The following METTL22 variants were observed in gnomAD, a reference collection of about 807,000 sequenced individuals.
The protein encoded by METTL22 is methyltransferase 22, Kin17 lysine, also known as methyltransferase-like protein 22.
A neutral mutation model predicts 48.4 loss-of-function variants in METTL22; 51 were observed. The observed-to-expected ratio is 1.05, with a 90% CI of 0.84 to 1.33. The LOEUF (loss-of-function observed/expected upper bound fraction) is 1.33, where lower values mean the gene tolerates loss of function less well. METTL22 is among the 40% of genes most tolerant of loss of function. The probability of loss-of-function intolerance (pLI) is 0.00; values close to 1 mark genes in which losing one functional copy is unlikely to be tolerated. For synonymous variants in METTL22, 255 were observed against 214.1 expected, an observed-to-expected ratio of 1.19 and a Z score of -1.67; for missense variants, 678 against 526.9, an observed-to-expected ratio of 1.29 and a Z score of -2.81.
chr16:8,643,869 C>G (rs987521285), intron 9 of METTL22, among the ~76,000 whole-genome samples: 1 of 152,328 alleles, frequency 6.6e-6, no homozygotes, highest in East Asian at 1.9e-4. Flanking sequence ...CCTCCTCGGC[C>G]TCCCACAGTA....
In METTL22 at chr16:8,621,782, G is replaced by T. The variant is rs796113672; in HGVS notation, c.-171+7G>T. The T allele has an allele frequency of 6.6e-6, 1 of 152,282 alleles. No individual in the cohort carries two copies. The highest frequency in any genetic ancestry group is 1.9e-4 in the East Asian group (1 of 5,182). 9.4% of individuals were successfully genotyped at this position (152,282 alleles called of 1,614,324 possible). A position where few individuals can be genotyped will look rare whatever the true frequency, so the allele number is the denominator to read the frequency against. The stretch of plus-strand genomic sequence containing the variant: ...AGGCTGGGCCCCGCGGCGGGTAAGT[G>T]CCTGGGAGAGGCGGCGGGATAGGGT... On this transcript the variant is annotated splice_region_variant and intron_variant, in intron 1 of 10. Transcript: ENST00000381920.
At chr16:8,622,262 G>A (rs903900066) in intron 1 of METTL22, among the ~76,000 whole-genome samples, 2 of 152,214 alleles carry the variant, frequency 1.3e-5, no homozygotes, top group African/African-American at 4.8e-5. Context: ...TGATTGTTGA[G>A]TGAGTTGCAG....
chr16:8,625,778 T>C lies in METTL22; in HGVS notation c.113T>C (p.Leu38Pro). Residue 38 changes from leucine to proline, a missense_variant, in exon 2 of 11, where the codon CTG becomes CCG. Coordinates refer to ENST00000381920, the MANE Select transcript of METTL22 (RefSeq NM_024109.4). The part of the protein sequence containing the change: ...TPNHRHLMVR[L>P]NSVGQPVFLS... Reference sequence around the variant, plus strand: ...AACCATAGACATCTCATGGTACGGCTGAACAGCGTGGGGCAGCCAGGTAAG... The same window carrying C: ...AACCATAGACATCTCATGGTACGGCCGAACAGCGTGGGGCAGCCAGGTAAG... 1 of 1,614,192 alleles carries C rather than the reference T, an allele frequency of 6.2e-7. No individual in the cohort carries two copies. Among genetic ancestry groups the C allele is most frequent in the Non-Finnish European group, 8.5e-7 (1 of 1,180,012 alleles).
In METTL22 at chr16:8,648,008, C is replaced by T. The variant is rs891974337; in HGVS notation, c.*1865C>T. The T allele has an allele frequency of 6.6e-6, 1 of 152,264 alleles. No individual in the cohort carries two copies. Among genetic ancestry groups the T allele is most frequent in the African/African-American group, 2.4e-5 (1 of 41,446 alleles). 9.4% of individuals were successfully genotyped at this position (152,264 alleles called of 1,614,324 possible). A position where few individuals can be genotyped will look rare whatever the true frequency, so the allele number is the denominator to read the frequency against. ...GCTGGAGCAGCAGCAGCATCTGTGGCATCACGTGGATGCTGGTTAGAAATG... is the reference window on the plus strand; with the variant it reads ...GCTGGAGCAGCAGCAGCATCTGTGGTATCACGTGGATGCTGGTTAGAAATG... On this transcript the variant is annotated 3_prime_UTR_variant, in exon 11 of 11. Transcript: ENST00000381920.
the METTL22 span, among the ~76,000 whole-genome samples, chr16:8,665,853 G>T: frequency 1.3e-5 from 2 of 152,224 alleles, no homozygotes; most frequent in Non-Finnish European, 2.9e-5. Context: ...GCAGTTAAGT[G>T]TGGAAGTATA....
chr16:8,658,474 CAG>C, the METTL22 span, among the ~76,000 whole-genome samples: 3 of 152,178 alleles, frequency 2.0e-5, no homozygotes, highest in Admixed American at 2.0e-4. Context: ...CTGAAGGAGA[CAG>C]GGAATGGGGA....
At chr16:8,651,386 CAA>C (rs768911703), downstream of METTL22, among the ~76,000 whole-genome samples, 13 of 49,068 alleles carry the variant, frequency 2.6e-4, no homozygotes, top group African/African-American at 9.8e-4. Flanking sequence ...GACTCTGTCT[CAA>C]AAAAAAAAAA....
Position 8,632,903 on chromosome 16 carries a change from G to A in METTL22, c.515-2136G>A, listed in dbSNP as rs117636613. On this transcript the variant is annotated intron_variant, in intron 3 of 10. Transcript: ENST00000381920. ...GCTGGGAGGCAGAACTTACGTCCACGAGACCCCTGGAAGGAAGTGACCAAT... is the reference window on the plus strand; with the variant it reads ...GCTGGGAGGCAGAACTTACGTCCACAAGACCCCTGGAAGGAAGTGACCAAT... Among the ~76,000 whole-genome samples, 344 of 152,266 alleles carry A rather than the reference G, an allele frequency of 2.3e-3. 1 individual carries two copies. The highest frequency in any genetic ancestry group is 3.5e-3 in the South Asian group (17 of 4,824).
chr16:8,636,396 G>T (rs2056422256), intron 5 of METTL22, among the ~76,000 whole-genome samples: 1 of 152,036 alleles, frequency 6.6e-6, no homozygotes, highest in Non-Finnish European at 1.5e-5. Context: ...TTAACCAGAT[G>T]TGGTAGCGGC....
chr16:8,640,897 G>GATGGATGGATAGAAGGAAGGGA (rs2056585662), intron 6 of METTL22, among the ~76,000 whole-genome samples: 1 of 27,086 alleles, frequency 3.7e-5, no homozygotes, highest in African/African-American at 1.2e-4. Flanking sequence ...TGGGTGAATG[G>GATGGATGGATAGAAGGAAGGGA]ATGGATGGAT....
the METTL22 span, among the ~76,000 whole-genome samples, chr16:8,664,543 T>C: frequency 6.6e-6 from 1 of 152,102 alleles, no homozygotes; most frequent in Non-Finnish European, 1.5e-5. Flanking sequence ...AGCCTCAGCC[T>C]CTCAGGCTCA....
intron 7 of METTL22, chr16:8,641,888 C>T (rs2056629992): frequency 1.7e-6 from 1 of 586,606 alleles, no homozygotes; most frequent in Non-Finnish European, 3.0e-6. Flanking sequence ...CTGAAATCCG[C>T]CCGCTGCTCA....
At chr16:8,661,410 G>T in the METTL22 span, among the ~76,000 whole-genome samples, 2 of 150,636 alleles carry the variant, frequency 1.3e-5, no homozygotes, top group African/African-American at 2.5e-5. Flanking sequence ...ACTTTGGGAG[G>T]CCAAGGCGGG....
rs565173263 is a variant in METTL22, at chr16:8,627,504, A to G, written c.134-1226A>G. On this transcript the variant is annotated intron_variant, in intron 2 of 10. Coordinates refer to ENST00000381920, the MANE Select transcript of METTL22 (RefSeq NM_024109.4). The stretch of plus-strand genomic sequence containing the variant: ...TCCCTAACCCCAACTACCCTGTATT[A>G]GCTTGTTATGGTGTGATTATTAATA... Among the ~76,000 whole-genome samples the G allele has an allele frequency of 3.8e-3, 575 of 152,210 alleles. 6 individuals are homozygous for G. The highest frequency in any genetic ancestry group is 0.013 in the African/African-American group (553 of 41,540).
intron 7 of METTL22, 57 bp downstream of exon 7, chr16:8,641,241 T>C: frequency 6.5e-7 from 1 of 1,546,110 alleles, no homozygotes; most frequent in Non-Finnish European, 8.9e-7. Flanking sequence ...TTGTAATACC[T>C]CAGTGCCCCT....
intron 2 of METTL22, 92 bp from the exon 3 acceptor site, chr16:8,628,638 C>T: frequency 6.7e-7 from 1 of 1,482,478 alleles, no homozygotes; most frequent in Non-Finnish European, 9.0e-7. Context: ...AAAATCTTTC[C>T]TATTGGTAAT....
chr16:8,629,608 G>A (rs78309506), intron 3 of METTL22, among the ~76,000 whole-genome samples: 2,202 of 152,264 alleles, frequency 0.014, 140 homozygotes, highest in Admixed American at 0.11. Flanking sequence ...CAGATGGACT[G>A]GGAGCTGGGA....
chr16:8,643,873 C>G (rs567927649), intron 9 of METTL22, among the ~76,000 whole-genome samples: 138 of 152,298 alleles, frequency 9.1e-4, no homozygotes, highest in Non-Finnish European at 1.8e-3. Context: ...CTCGGCCTCC[C>G]ACAGTACTGA....
intron 3 of METTL22, among the ~76,000 whole-genome samples, chr16:8,634,286 G>A (rs971377848): frequency 2.0e-5 from 3 of 152,166 alleles, no homozygotes; most frequent in African/African-American, 4.8e-5. Flanking sequence ...AGCGATTGGC[G>A]ATAGCTGTTA....
Sources: gnomAD v4.1 joint callset for allele counts (sites outside exome capture counted in the v4.1 genomes callset) on GRCh38, gnomAD v4.1.1 for gene constraint, MANE v1.5 for transcripts, NCBI Gene and HGNC (gene_info 2026-07-23, HGNC 2026-07-21) for gene names.